The following PTPRG variants were observed in gnomAD, a reference collection of about 807,000 sequenced individuals.
PTPRG encodes the protein protein tyrosine phosphatase receptor type G.
A neutral mutation model predicts 165.3 loss-of-function variants in PTPRG; 102 were observed. The ratio of observed to expected loss-of-function variants is 0.62; its 90% CI spans 0.53 to 0.73. PTPRG has a LOEUF of 0.73. Among genes scored for constraint, PTPRG ranks in the 30% least tolerant of loss-of-function variants. The pLI is 0.00. For missense variants in PTPRG, 1,866 were observed against 1,861.4 expected (o/e 1.00, Z -0.05); for synonymous variants, 675 against 669.5 (o/e 1.01, Z -0.13).
At chr3:61,604,833 A>G (rs543060341) in intron 1 of PTPRG, among the ~76,000 whole-genome samples, 3 of 152,246 alleles carry the variant, frequency 2.0e-5, no homozygotes, top group South Asian at 2.1e-4. Context: ...CTGTTTTTCA[A>G]TAAAACTCCT....
chr3:62,266,634 G>A (rs1701883704), intron 17 of PTPRG, among the ~76,000 whole-genome samples: 2 of 151,942 alleles, frequency 1.3e-5, no homozygotes, highest in South Asian at 4.2e-4. Context: ...TCTGAGGTCA[G>A]TAATGCCTAT....
chr3:62,044,313 C>T (rs550853770), intron 4 of PTPRG, among the ~76,000 whole-genome samples: 27 of 152,194 alleles, frequency 1.8e-4, no homozygotes, highest in Admixed American at 4.6e-4. Flanking sequence ...CTGAGGCGGG[C>T]GGATCATCTG....
chr3:61,787,636 A>T (rs2034747799), intron 2 of PTPRG, among the ~76,000 whole-genome samples: 1 of 152,142 alleles, frequency 6.6e-6, no homozygotes, highest in Non-Finnish European at 1.5e-5. Context: ...CTGACCCCAG[A>T]CCTTAATGTT....
chr3:62,266,436 T>C (rs1701877406), intron 17 of PTPRG, among the ~76,000 whole-genome samples: 1 of 152,136 alleles, frequency 6.6e-6, no homozygotes, highest in African/African-American at 2.4e-5. Context: ...AATAACAATA[T>C]GCAATTAATG....
chr3:61,974,063 G>C (rs2040445277), intron 2 of PTPRG, among the ~76,000 whole-genome samples: 1 of 152,008 alleles, frequency 6.6e-6, no homozygotes, highest in Non-Finnish European at 1.5e-5. Context: ...CTAAGCCAAA[G>C]TTTTCTCTTT....
At chr3:62,111,480 T>G (rs1294778848) in intron 5 of PTPRG, among the ~76,000 whole-genome samples, 1 of 152,166 alleles carries the variant, frequency 6.6e-6, no homozygotes, top group African/African-American at 2.4e-5. Flanking sequence ...GACAAGGTCT[T>G]TCTCTGTCAC....
intron 1 of PTPRG, among the ~76,000 whole-genome samples, chr3:61,677,712 C>T (rs1410627847): frequency 6.6e-6 from 1 of 152,118 alleles, no homozygotes; most frequent in Non-Finnish European, 1.5e-5. Flanking sequence ...TTGGAACAAA[C>T]CAAGCTTCAA....
rs570448972 is a variant in PTPRG at position 62,148,972 on chromosome 3, C to T, written c.683-8095C>T. Among the ~76,000 whole-genome samples, 574 of 152,158 alleles carry T rather than the reference C, an allele frequency of 3.8e-3. 2 individuals are homozygous for T. The highest frequency in any genetic ancestry group is 0.013 in the African/African-American group (553 of 41,500). On this transcript the variant is annotated intron_variant, in intron 6 of 29. Transcript: ENST00000474889. ...CCTCTTTCCTTGTAAACCTTGTTTT[C>T]CTCTCATATATAAGACAAAAAACTA...
intron 2 of PTPRG, among the ~76,000 whole-genome samples, chr3:61,952,526 AGAGCATGCTCAAATTGATATTTCTGGCT>A (rs1188432053): frequency 6.6e-6 from 1 of 152,158 alleles, no homozygotes; most frequent in African/African-American, 2.4e-5. Flanking sequence ...ATCTATTCCA[AGAGCATGCTCAAATTGATATTTCTGGCT>A]GAAATCTCCC....
chr3:62,197,536 C>G (rs1699995661), intron 10 of PTPRG, among the ~76,000 whole-genome samples: 1 of 152,076 alleles, frequency 6.6e-6, no homozygotes, highest in African/African-American at 2.4e-5. Flanking sequence ...GGTCTCTTTC[C>G]CTGTGTCGAG....
rs751582799 is a variant in PTPRG, at chr3:62,203,768, G to A, written c.1973G>A (p.Gly658Glu). The change falls in exon 12 of 30, where the codon GGA (glycine) becomes GAA (glutamate). Residue 658 changes from glycine (G) to glutamate (E), a missense_variant. By Grantham distance (98) the Gly-to-Glu change is moderately conservative (BLOSUM62 -2). Coordinates refer to ENST00000474889, the MANE Select transcript of PTPRG (RefSeq NM_002841.4). This position sits in a 1 kb window ranked among gnomAD's most constrained non-coding sequence, Gnocchi z 6.4. Reference sequence around the variant, plus strand: ...GCCGTCCCCACAGACCAGACGGGCGGAAGGAGGGATGCCGGCCCAGGCCTG... The same window carrying A: ...GCCGTCCCCACAGACCAGACGGGCGAAAGGAGGGATGCCGGCCCAGGCCTG... The part of the protein sequence containing the change: ...HTAVPTDQTG[G>E]RRDAGPGLDP... The A allele has an allele frequency of 8.7e-6, 14 of 1,611,442 alleles. No individual in the cohort carries two copies. The highest frequency in any genetic ancestry group is 1.7e-4 in the Middle Eastern group (1 of 6,058).
intron 1 of PTPRG, among the ~76,000 whole-genome samples, chr3:61,657,183 G>A (rs1702530532): frequency 6.6e-6 from 1 of 152,082 alleles, no homozygotes; most frequent in East Asian, 1.9e-4. Context: ...GGGGTGGAGG[G>A]GAGCCAGCAA....
At chr3:62,154,561 C>T (rs1340921592) in intron 6 of PTPRG, among the ~76,000 whole-genome samples, 1 of 152,212 alleles carries the variant, frequency 6.6e-6, no homozygotes, top group Non-Finnish European at 1.5e-5. Context: ...GAAATCTAAT[C>T]TCCTCCTGTT....
Position 62,294,562 on chromosome 3 carries a change from T to C in PTPRG, c.*1255T>C, listed in dbSNP as rs570037178. 5 of 152,188 alleles carry C rather than the reference T, an allele frequency of 3.3e-5. No individual in the cohort carries two copies. The East Asian group carries it at 7.7e-4, about 24-fold the overall frequency. The allele number at this position is 152,188 out of a possible 1,614,324, so 9.4% of individuals were successfully genotyped here. Reference sequence around the variant, plus strand: ...AGAACAGATACACATTAGTAAAAGATACCAATAATCATTAGAGCTCAAGGA... The same window carrying C: ...AGAACAGATACACATTAGTAAAAGACACCAATAATCATTAGAGCTCAAGGA... On this transcript the variant is annotated 3_prime_UTR_variant, in exon 30 of 30. Coordinates refer to ENST00000474889, the MANE Select transcript of PTPRG (RefSeq NM_002841.4).
At position 62,174,430 on chromosome 3, in the gene PTPRG, G is replaced by A. The variant is rs566959713; in HGVS notation, c.1033+6267G>A. On this transcript the variant is annotated intron_variant, in intron 8 of 29. Transcript: ENST00000474889. ...CCTAAGCCGATGTCGTGTTTTTTTG[G>A]TGAGTGTTTTTTGCCTCTGCTGATG... 5.1e-4 allele frequency among the ~76,000 whole-genome samples: 78 copies of A among 152,262 alleles called. 1 individual carries two copies. The Middle Eastern group carries it at 0.014, about 27-fold the overall frequency.
chr3:61,627,862 T>A (rs1339082521), intron 1 of PTPRG, among the ~76,000 whole-genome samples: 1 of 152,164 alleles, frequency 6.6e-6, no homozygotes, highest in Non-Finnish European at 1.5e-5. Flanking sequence ...TGTCCTAGGT[T>A]TGTTAAGGTC....
chr3:61,813,648 AGTAGTT>A (rs755016391), intron 2 of PTPRG, among the ~76,000 whole-genome samples: 3 of 146,348 alleles, frequency 2.0e-5, no homozygotes, highest in Non-Finnish European at 3.0e-5. Flanking sequence ...CTTTAATAGC[AGTAGTT>A]GTAGTTGTAG....
At position 61,685,430 on chromosome 3, in the gene PTPRG, G is replaced by A. The variant is rs572797647; in HGVS notation, c.86-63448G>A. ...TGCAGATACTGAGTTAGCAGTGCAAGGAATTCATTGGGGGTTAGTGCCTGT... is the reference window on the plus strand; with the variant it reads ...TGCAGATACTGAGTTAGCAGTGCAAAGAATTCATTGGGGGTTAGTGCCTGT... On this transcript the variant is annotated intron_variant, in intron 1 of 29. Transcript: ENST00000474889. Among the ~76,000 whole-genome samples the A allele has an allele frequency of 3.2e-4, 48 of 152,318 alleles. No individual in the cohort carries two copies. The South Asian group carries it at 9.8e-3, about 31-fold the overall frequency.
At chr3:61,773,066 G>T (rs996255165) in intron 2 of PTPRG, among the ~76,000 whole-genome samples, 10 of 152,196 alleles carry the variant, frequency 6.6e-5, no homozygotes, top group Non-Finnish European at 1.3e-4. Context: ...ATGTTGGTTT[G>T]CTGAACTTAA....
Sources: allele counts gnomAD v4.1 joint callset (sites outside exome capture counted in the v4.1 genomes callset), GRCh38; gene constraint gnomAD v4.1.1; non-coding constraint Gnocchi (gnomAD v3.1); transcripts MANE v1.5; gene names NCBI Gene and HGNC (gene_info 2026-07-23, HGNC 2026-07-21).